HBS1L: variants seen among roughly 807,000 people sequenced by gnomAD.
HBS1L encodes HBS1-like protein.
A neutral mutation model predicts 88.9 loss-of-function variants in HBS1L; 55 were observed. The ratio of observed to expected loss-of-function variants is 0.62; its 90% CI spans 0.50 to 0.77. The LOEUF (loss-of-function observed/expected upper bound fraction) is 0.77, where lower values mean the gene tolerates loss of function less well. Among genes scored for constraint, HBS1L ranks in the 30% least tolerant of loss-of-function variants. HBS1L has a pLI of 0.00. For missense variants in HBS1L, 741 were observed against 829.3 expected, an observed-to-expected ratio of 0.89 and a Z score of 1.31; for synonymous variants, 267 against 288.5, an observed-to-expected ratio of 0.93 and a Z score of 0.76.
At chr6:134,990,546 C>T (rs1282784027) in intron 8 of HBS1L, among the ~76,000 whole-genome samples, 1 of 152,180 alleles carries the variant, frequency 6.6e-6, no homozygotes, top group African/African-American at 2.4e-5. Context: ...AATCCTTTCC[C>T]ACCATAATTC....
intron 4 of HBS1L, among the ~76,000 whole-genome samples, chr6:135,028,159 C>G (rs1338455868): frequency 1.3e-5 from 2 of 151,438 alleles, no homozygotes; most frequent in African/African-American, 4.9e-5. Context: ...AAGGAAAATA[C>G]ATTAAGTCAT....
At chr6:134,971,687 C>T (rs1774491974) in intron 15 of HBS1L, among the ~76,000 whole-genome samples, 1 of 151,974 alleles carries the variant, frequency 6.6e-6, no homozygotes, top group Non-Finnish European at 1.5e-5. Flanking sequence ...TATATATAAC[C>T]AAAGTCATCT....
chr6:135,051,513 C>T (rs529803809), intron 1 of HBS1L, among the ~76,000 whole-genome samples: 24 of 152,270 alleles, frequency 1.6e-4, no homozygotes, highest in African/African-American at 5.5e-4. Flanking sequence ...TTTTCCGAGG[C>T]CATTTCTTTC....
At chr6:135,054,313 C>T (rs1018336963) in intron 1 of HBS1L, among the ~76,000 whole-genome samples, 10 of 152,204 alleles carry the variant, frequency 6.6e-5, no homozygotes, top group African/African-American at 2.4e-4. Flanking sequence ...GAAGCAGGCA[C>T]GTTAGTGCCC....
chr6:135,020,036 G>A (rs899038392), intron 4 of HBS1L, among the ~76,000 whole-genome samples: 11 of 151,384 alleles, frequency 7.3e-5, no homozygotes, highest in African/African-American at 2.4e-4. Flanking sequence ...ATATGTATGT[G>A]TCTATTTTTA....
intron 2 of HBS1L, 147 bp downstream of exon 2, chr6:135,050,435 A>C (rs575007734): frequency 3.9e-6 from 2 of 517,984 alleles, no homozygotes; most frequent in Non-Finnish European, 3.4e-6. Context: ...AAAAGAAATT[A>C]TTTTATATGC....
chr6:135,028,083 G>C (rs1233056276), intron 4 of HBS1L, among the ~76,000 whole-genome samples: 1 of 151,812 alleles, frequency 6.6e-6, no homozygotes, highest in African/African-American at 2.4e-5. Context: ...CTTTTAAGAT[G>C]AATTAAAAAT....
rs1774249780 is a variant in HBS1L, at chr6:134,964,252, T to C, written c.*1027A>G. 1 of 152,068 alleles carries C rather than the reference T, an allele frequency of 6.6e-6. No homozygotes were observed. The highest frequency in any genetic ancestry group is 2.4e-5 in the African/African-American group (1 of 41,412). The allele number at this position is 152,068 out of a possible 1,614,324, so 9.4% of individuals were successfully genotyped here. ...GTTCCAGGTTCAGCTGAGGTCAAAA[T>C]CTACTCTAAAGCTCCTTGCACCCAG... On this transcript the variant is annotated 3_prime_UTR_variant, in exon 18 of 18. Transcript: ENST00000367837.
intron 4 of HBS1L, among the ~76,000 whole-genome samples, chr6:135,016,726 A>T (rs1461372271): frequency 6.6e-6 from 1 of 151,900 alleles, no homozygotes; most frequent in African/African-American, 2.4e-5. Context: ...TCTTCAACTA[A>T]ACTAAGAGTT....
rs1776671163 is a variant in HBS1L, at chr6:135,039,754, T to C, written c.249A>G (p.Ser83=). The part of the protein sequence containing the change: ...LSGFDQARLY[S]CLDHMREVLG... ...GTACCTCTCTCATGTGATCAAGGCA[T>C]GAATAAAGACGAGCTAGAAAAGACG... Residue 83 remains serine (S), a synonymous_variant, in exon 4 of 18, where the codon TCA becomes TCG. Transcript: ENST00000367837. 1 of 1,611,532 alleles carries C rather than the reference T, an allele frequency of 6.2e-7. No individual in the cohort carries two copies. The highest frequency in any genetic ancestry group is 8.5e-7 in the Non-Finnish European group (1 of 1,179,314).
At chr6:134,984,656 T>G (rs1461279789) in intron 12 of HBS1L, among the ~76,000 whole-genome samples, 1 of 152,176 alleles carries the variant, frequency 6.6e-6, no homozygotes, top group Non-Finnish European at 1.5e-5. Context: ...TTATTGAGTT[T>G]TTAAATTGTA....
intron 4 of HBS1L, among the ~76,000 whole-genome samples, chr6:135,021,908 C>T (rs967166372): frequency 6.6e-6 from 1 of 152,098 alleles, no homozygotes; most frequent in Admixed American, 6.6e-5. Flanking sequence ...ACCTTCCTAT[C>T]CCCCCTTGAG....
At chr6:135,039,888 G>C in intron 3 of HBS1L, 121 bp from the exon 4 acceptor site, 2 of 729,214 alleles carry the variant, frequency 2.7e-6, no homozygotes, top group Non-Finnish European at 4.3e-6. Flanking sequence ...CCTTCTCTTT[G>C]GCAAAAATTA....
rs1777198357 is a variant in HBS1L, at chr6:135,054,774, C to A, written c.-83G>T. Reference sequence around the variant, plus strand: ...GATACTGATAAGGCGCCAACTGCAGCCTGGAGAACCCCTATGCGCCATCTT... The same window carrying A: ...GATACTGATAAGGCGCCAACTGCAGACTGGAGAACCCCTATGCGCCATCTT... On this transcript the variant is annotated 5_prime_UTR_variant, in exon 1 of 18. Transcript: ENST00000367837. 2.0e-6 allele frequency: 3 copies of A among 1,522,706 alleles called. No homozygotes were observed. Among genetic ancestry groups the A allele is most frequent in the Non-Finnish European group, 2.7e-6 (3 of 1,107,868 alleles). 94.3% of individuals were successfully genotyped at this position (1,522,706 alleles called of 1,614,324 possible). A position where few individuals can be genotyped will look rare whatever the true frequency, so the allele number is the denominator to read the frequency against.
chr6:135,025,349 T>C (rs755536752), intron 4 of HBS1L, among the ~76,000 whole-genome samples: 2 of 152,210 alleles, frequency 1.3e-5, no homozygotes, highest in African/African-American at 2.4e-5. Flanking sequence ...GTTGGAGGCG[T>C]ACCTCTGAAG....
At chr6:134,983,565 C>T (rs1387183473) in intron 12 of HBS1L, 1 of 152,116 alleles carries the variant, frequency 6.6e-6, no homozygotes, top group Non-Finnish European at 1.5e-5. Context: ...ATGAGACACA[C>T]ACATGCAGAA....
chr6:135,038,036 C>A (rs2114898920), intron 4 of HBS1L: 2 of 1,470,416 alleles, frequency 1.4e-6, no homozygotes, highest in Non-Finnish European at 9.0e-7. Flanking sequence ...CCTTACCTTA[C>A]AAGAGCCATT....
At chr6:135,054,259 G>A (rs1487325774) in intron 1 of HBS1L, among the ~76,000 whole-genome samples, 1 of 152,246 alleles carries the variant, frequency 6.6e-6, no homozygotes, top group African/African-American at 2.4e-5. Flanking sequence ...AATAAGCAAC[G>A]TTTCATGGAC....
chr6:135,049,107 C>T (rs930689889), intron 2 of HBS1L, among the ~76,000 whole-genome samples: 8 of 152,172 alleles, frequency 5.3e-5, no homozygotes, highest in Non-Finnish European at 8.8e-5. Flanking sequence ...TCCATTCAGG[C>T]TGCTATAACA....
Sources: gnomAD v4.1 joint callset for allele counts (sites outside exome capture counted in the v4.1 genomes callset) on GRCh38, gnomAD v4.1.1 for gene constraint, MANE v1.5 for transcripts, NCBI Gene and HGNC (gene_info 2026-07-23, HGNC 2026-07-21) for gene names.